AHCYL2: variants seen among roughly 807,000 people sequenced by gnomAD.
The protein encoded by AHCYL2 is S-adenosylhomocysteine hydrolase-like protein 2.
AHCYL2 carries 28 observed loss-of-function variants against 81.4 expected under a neutral mutation model. That is an observed-to-expected ratio of 0.34 (90% CI 0.25 to 0.47). The LOEUF is 0.47. AHCYL2 is among the 20% of genes least tolerant of loss of function. The pLI, the probability that AHCYL2 is intolerant of heterozygous loss-of-function variation, is 1.00. For synonymous variants in AHCYL2, 272 were observed against 290.2 expected, an observed-to-expected ratio of 0.94 and a Z score of 0.64; for missense variants, 551 against 785.1, an observed-to-expected ratio of 0.70 and a Z score of 3.56.
chr7:129,362,736 G>A (rs888810140), intron 1 of AHCYL2, among the ~76,000 whole-genome samples: 2 of 150,810 alleles, frequency 1.3e-5, no homozygotes, highest in African/African-American at 4.9e-5. Flanking sequence ...ATGATAAGGA[G>A]ATTGAAGAAG....
intron 4 of AHCYL2, among the ~76,000 whole-genome samples, chr7:129,392,408 A>G (rs1031335735): frequency 4.6e-5 from 7 of 152,204 alleles, no homozygotes; most frequent in East Asian, 3.9e-4. Flanking sequence ...GGCGCTTTCT[A>G]TGTGCCCTCA....
Position 129,415,878 on chromosome 7 carries a change from A to C in AHCYL2, c.1461+2190A>C, listed in dbSNP as rs540855453. Among the ~76,000 whole-genome samples, 24 of 152,210 alleles carry C rather than the reference A, an allele frequency of 1.6e-4. 1 individual carries two copies. The South Asian group carries it at 5.0e-3, about 32-fold the overall frequency. On this transcript the variant is annotated intron_variant, in intron 12 of 16. Coordinates refer to ENST00000325006, the MANE Select transcript of AHCYL2 (RefSeq NM_015328.4). ...ACATGATGAAACCCTGTCTCTACTAAAAATACAGAGATTAGTTGGGCTTGG... is the reference window on the plus strand; with the variant it reads ...ACATGATGAAACCCTGTCTCTACTACAAATACAGAGATTAGTTGGGCTTGG...
chr7:129,256,549 ACC>A (rs58653086), intron 1 of AHCYL2, among the ~76,000 whole-genome samples: 3 of 63,744 alleles, frequency 4.7e-5, no homozygotes, highest in African/African-American at 2.1e-4. Context: ...CCCACCCCCC[ACC>A]CCCCCCCCGC....
chr7:129,347,699 A>G (rs970150508), intron 1 of AHCYL2, among the ~76,000 whole-genome samples: 1 of 152,176 alleles, frequency 6.6e-6, no homozygotes, highest in African/African-American at 2.4e-5. Context: ...AGACTGAATT[A>G]TAGCTTAATG....
intron 1 of AHCYL2, among the ~76,000 whole-genome samples, chr7:129,342,461 A>C (rs1235991212): frequency 6.6e-6 from 1 of 152,162 alleles, no homozygotes; most frequent in Non-Finnish European, 1.5e-5. Context: ...AAAGAAGCAA[A>C]AGGTAGGTGA....
chr7:129,235,165 C>T (rs576484769), intron 1 of AHCYL2, among the ~76,000 whole-genome samples: 7 of 152,204 alleles, frequency 4.6e-5, no homozygotes, highest in African/African-American at 1.7e-4. Context: ...GACATTGACT[C>T]CTTGTGAAAC....
rs1431980214 is a variant in AHCYL2 at position 129,419,835 on chromosome 7, C to T, written c.1462-3005C>T. ...TGGCCAGTTTATGGTGGGATGTACA[C>T]CTGGTTTGGGAAGGTAGTCTGCACA... On this transcript the variant is annotated intron_variant, in intron 12 of 16. Transcript: ENST00000325006. This position sits in a 1 kb window ranked among gnomAD's most constrained non-coding sequence, Gnocchi z 4.7. Among the ~76,000 whole-genome samples the T allele has an allele frequency of 6.6e-6, 1 of 152,038 alleles. No individual in the cohort carries two copies. Among genetic ancestry groups the T allele is most frequent in the Non-Finnish European group, 1.5e-5 (1 of 68,028 alleles).
At chr7:129,257,854 G>A (rs1313338681) in intron 1 of AHCYL2, among the ~76,000 whole-genome samples, 1 of 152,134 alleles carries the variant, frequency 6.6e-6, no homozygotes, top group East Asian at 1.9e-4. Flanking sequence ...GAAAGAAAAG[G>A]AATGAGATAT....
intron 1 of AHCYL2, among the ~76,000 whole-genome samples, chr7:129,239,124 A>C (rs1454353425): frequency 6.6e-6 from 1 of 152,238 alleles, no homozygotes; most frequent in African/African-American, 2.4e-5. Context: ...GTCATGTATA[A>C]CACTCAAGCT....
At chr7:129,321,744 T>TTTTTTTTTTTTTTTTTTTTTTTTTG (rs1563195903) in intron 1 of AHCYL2, among the ~76,000 whole-genome samples, 1 of 29,460 alleles carries the variant, frequency 3.4e-5, no homozygotes, top group East Asian at 2.5e-3. Context: ...TCTTTCTTTG[T>TTTTTTTTTTTTTTTTTTTTTTTTTG]TTTTTTTTTT....
rs75178617 is a variant in AHCYL2, at chr7:129,285,699, T to C, written c.363+60260T>C. Among the ~76,000 whole-genome samples the C allele has an allele frequency of 1.4e-3, 23 of 16,166 alleles. No homozygotes were observed. In the South Asian group the frequency reaches 0.037, roughly 26 times the overall value. The allele number at this position is 16,166 out of a possible 152,430, so 10.6% of individuals were successfully genotyped here. A position where few individuals can be genotyped will look rare whatever the true frequency, so the allele number is the denominator to read the frequency against. ...TCTATTTTCTTTCTCTCTCTCTCTT[T>C]TTTTTTTTTTTTTTTTTTGAGATAG... is the stretch of plus-strand genomic sequence containing the variant. On this transcript the variant is annotated intron_variant, in intron 1 of 16. Coordinates refer to ENST00000325006, the MANE Select transcript of AHCYL2 (RefSeq NM_015328.4).
chr7:129,422,993 C>T, intron 13 of AHCYL2, 55 bp downstream of exon 13: 1 of 1,464,430 alleles, frequency 6.8e-7, no homozygotes, highest in Non-Finnish European at 9.5e-7. Flanking sequence ...CTGCAATACC[C>T]AGGTCCCCTC....
intron 1 of AHCYL2, among the ~76,000 whole-genome samples, chr7:129,296,319 CT>C (rs1259791379): frequency 1.3e-5 from 2 of 152,220 alleles, no homozygotes; most frequent in African/African-American, 2.4e-5. Flanking sequence ...CAACCACAGA[CT>C]TTTCTTCCAA....
At chr7:129,348,402 C>CCA (rs1554484651) in intron 1 of AHCYL2, among the ~76,000 whole-genome samples, 3 of 149,494 alleles carry the variant, frequency 2.0e-5, no homozygotes, top group African/African-American at 4.9e-5. Context: ...AACCCCCCCC[C>CCA]CACACACACA....
intron 2 of AHCYL2, among the ~76,000 whole-genome samples, chr7:129,386,267 A>G (rs1043634621): frequency 6.6e-6 from 1 of 152,156 alleles, no homozygotes; most frequent in African/African-American, 2.4e-5. Context: ...GTTCAAGACC[A>G]GCCTGCCCAG....
intron 13 of AHCYL2, among the ~76,000 whole-genome samples, chr7:129,423,876 T>A (rs754514603): frequency 1.3e-5 from 2 of 151,796 alleles, no homozygotes; most frequent in Non-Finnish European, 2.9e-5. Flanking sequence ...AAGGAAGGAG[T>A]ATATATGAGG....
chr7:129,267,859 G>A (rs1205511171), intron 1 of AHCYL2, among the ~76,000 whole-genome samples: 34 of 152,142 alleles, frequency 2.2e-4, no homozygotes, highest in Non-Finnish European at 4.4e-5. Flanking sequence ...ATAACAGAGA[G>A]ATGAGTTTCT....
At chr7:129,268,620 G>A (rs545107979) in intron 1 of AHCYL2, among the ~76,000 whole-genome samples, 1 of 152,290 alleles carries the variant, frequency 6.6e-6, no homozygotes, top group East Asian at 1.9e-4. Flanking sequence ...CCAAAGTGTT[G>A]GGATTATAGG....
chr7:129,384,881 C>G (rs1437780391), intron 2 of AHCYL2, among the ~76,000 whole-genome samples: 2 of 152,148 alleles, frequency 1.3e-5, no homozygotes. Flanking sequence ...TAATTTCTAG[C>G]AGAACCCAGG....
Sources: allele counts gnomAD v4.1 joint callset (sites outside exome capture counted in the v4.1 genomes callset), GRCh38; gene constraint gnomAD v4.1.1; non-coding constraint Gnocchi (gnomAD v3.1); transcripts MANE v1.5; gene names NCBI Gene and HGNC (gene_info 2026-07-23, HGNC 2026-07-21).